Variants in STXBP6 observed in about 807,000 individuals in gnomAD.
STXBP6 encodes syntaxin-binding protein 6.
A neutral mutation model predicts 26.9 loss-of-function variants in STXBP6; 21 were observed. The observed-to-expected ratio is 0.78, with a 90% CI of 0.55 to 1.12. STXBP6 has a LOEUF of 1.12. STXBP6 is among the 50% of genes most tolerant of loss of function. The pLI, the probability that STXBP6 is intolerant of heterozygous loss-of-function variation, is 0.00. For missense variants in STXBP6, 232 were observed against 257.9 expected (o/e 0.90, Z 0.69); for synonymous variants, 97 against 92.6 (o/e 1.05, Z -0.27).
At chr14:25,041,475 A>G (rs1002032610) in intron 1 of STXBP6, among the ~76,000 whole-genome samples, 2 of 152,146 alleles carry the variant, frequency 1.3e-5, no homozygotes, top group African/African-American at 2.4e-5. Context: ...CTCTTTAATG[A>G]TAGGGTAGAT....
At chr14:24,822,420 A>G (rs2068161568) in intron 4 of STXBP6, among the ~76,000 whole-genome samples, 1 of 152,198 alleles carries the variant, frequency 6.6e-6, no homozygotes, top group Non-Finnish European at 1.5e-5. Context: ...AAAGCATACA[A>G]ACATTTTTAG....
chr14:25,026,214 T>C (rs1408167584), intron 1 of STXBP6, among the ~76,000 whole-genome samples: 2 of 152,068 alleles, frequency 1.3e-5, no homozygotes, highest in African/African-American at 2.4e-5. Flanking sequence ...CAGCAGTCAG[T>C]AAATGTTCCC....
At chr14:24,988,573 T>C (rs1300111703) in intron 1 of STXBP6, among the ~76,000 whole-genome samples, 1 of 152,180 alleles carries the variant, frequency 6.6e-6, no homozygotes, top group Non-Finnish European at 1.5e-5. Context: ...TGCAGGTAGA[T>C]CTGCTTCAAG....
At chr14:24,823,775 C>T (rs2068206985) in intron 4 of STXBP6, among the ~76,000 whole-genome samples, 1 of 152,106 alleles carries the variant, frequency 6.6e-6, no homozygotes, top group East Asian at 1.9e-4. Flanking sequence ...TCTAAACTAA[C>T]TTAGAGGAAA....
chr14:25,049,344 G>A lies in STXBP6; in HGVS notation c.-33+534C>T. 1 of 985,454 alleles carries A rather than the reference G, an allele frequency of 1.0e-6. No individual in the cohort carries two copies. The highest frequency in any genetic ancestry group is 1.2e-6 in the Non-Finnish European group (1 of 829,946). The allele number at this position is 985,454 out of a possible 1,614,324, so 61.0% of individuals were successfully genotyped here. A position where few individuals can be genotyped will look rare whatever the true frequency, so the allele number is the denominator to read the frequency against. ...ATCGCCCAGGGCCAGCGCCCTGGGG[G>A]CAGGGTGCCGTGCCCGCCAGAAAAG... On this transcript the variant is annotated intron_variant, in intron 1 of 5. Transcript: ENST00000323944. The surrounding 1 kb of genome is among the most constrained non-coding windows in gnomAD (Gnocchi z 5.6).
chr14:24,876,296 C>A (rs1248405824), intron 2 of STXBP6, among the ~76,000 whole-genome samples: 1 of 152,088 alleles, frequency 6.6e-6, no homozygotes, highest in Non-Finnish European at 1.5e-5. Context: ...CATATCCTGG[C>A]CAAGAATTCT....
chr14:24,948,546 T>C (rs2073065633), intron 2 of STXBP6, among the ~76,000 whole-genome samples: 1 of 152,102 alleles, frequency 6.6e-6, no homozygotes. Context: ...TCTCTTGAAA[T>C]GGGAAAACTA....
intron 2 of STXBP6, among the ~76,000 whole-genome samples, chr14:24,914,126 A>AT (rs1256022407): frequency 6.6e-6 from 1 of 152,090 alleles, no homozygotes; most frequent in African/African-American, 2.4e-5. Context: ...TTTCTCATGG[A>AT]TTTTATCTTA....
chr14:25,023,380 C>A (rs187189476), intron 1 of STXBP6, among the ~76,000 whole-genome samples: 1 of 151,360 alleles, frequency 6.6e-6, no homozygotes, highest in South Asian at 2.1e-4. Flanking sequence ...ATATTTTTTA[C>A]AAATTTGATA....
chr14:24,938,595 G>GAAAAAAAAAAAAAAAACAAAA, intron 2 of STXBP6, among the ~76,000 whole-genome samples: 1 of 116,646 alleles, frequency 8.6e-6, no homozygotes, highest in Non-Finnish European at 1.9e-5. Flanking sequence ...GAAAAACCAG[G>GAAAAAAAAAAAAAAAACAAAA]AAAAAAAAAA....
chr14:24,951,385 A>G (rs2073164500), intron 2 of STXBP6, among the ~76,000 whole-genome samples: 1 of 41,518 alleles, frequency 2.4e-5, no homozygotes, highest in African/African-American at 1.3e-4. Flanking sequence ...ATTTCTCCAC[A>G]TCCTCTCCGG....
intron 4 of STXBP6, among the ~76,000 whole-genome samples, chr14:24,838,379 T>C (rs1008458131): frequency 4.6e-5 from 7 of 152,014 alleles, no homozygotes; most frequent in Non-Finnish European, 8.8e-5. Flanking sequence ...TTGGAGGAAA[T>C]GTGGACATTC....
intron 2 of STXBP6, among the ~76,000 whole-genome samples, chr14:24,899,350 A>C (rs1165773494): frequency 6.6e-6 from 1 of 152,230 alleles, no homozygotes; most frequent in African/African-American, 2.4e-5. Context: ...TTACAGAGAC[A>C]TGTTAACAAA....
chr14:24,863,779 A>G (rs1180344810), intron 2 of STXBP6, among the ~76,000 whole-genome samples: 1 of 152,134 alleles, frequency 6.6e-6, no homozygotes, highest in African/African-American at 2.4e-5. Context: ...TTCCTTAGAC[A>G]TTTCTCCATA....
chr14:24,953,926 T>C (rs2073255966), intron 2 of STXBP6, among the ~76,000 whole-genome samples: 2 of 151,818 alleles, frequency 1.3e-5, no homozygotes, highest in Non-Finnish European at 2.9e-5. Flanking sequence ...TGTTCTTGGG[T>C]GGGGTAAAGG....
At chr14:24,931,437 T>C (rs1057034695) in intron 2 of STXBP6, among the ~76,000 whole-genome samples, 1 of 152,166 alleles carries the variant, frequency 6.6e-6, no homozygotes, top group African/African-American at 2.4e-5. Context: ...AAGCTAAATG[T>C]TGAGAGTTGT....
At chr14:25,033,571 T>C (rs2075499344) in intron 1 of STXBP6, among the ~76,000 whole-genome samples, 2 of 152,054 alleles carry the variant, frequency 1.3e-5, no homozygotes, top group Non-Finnish European at 2.9e-5. Flanking sequence ...CCAAGGTCCT[T>C]CCTACCTCAG....
At chr14:24,945,420 A>G (rs1030721002) in intron 2 of STXBP6, among the ~76,000 whole-genome samples, 8 of 151,890 alleles carry the variant, frequency 5.3e-5, no homozygotes, top group Admixed American at 2.6e-4. Context: ...AATAAATAAA[A>G]TTATCCAGGT....
At chr14:24,946,861 T>G (rs190850321) in intron 2 of STXBP6, among the ~76,000 whole-genome samples, 1 of 151,826 alleles carries the variant, frequency 6.6e-6, no homozygotes, top group Non-Finnish European at 1.5e-5. Context: ...ATTAAGAGGG[T>G]ATGGGATACA....
Sources: allele counts gnomAD v4.1 joint callset (sites outside exome capture counted in the v4.1 genomes callset), GRCh38; gene constraint gnomAD v4.1.1; non-coding constraint Gnocchi (gnomAD v3.1); transcripts MANE v1.5; gene names NCBI Gene and HGNC (gene_info 2026-07-23, HGNC 2026-07-21).